KCNN3: variants seen among roughly 807,000 people sequenced by gnomAD.
The protein encoded by KCNN3 is potassium calcium-activated channel subfamily N member 3.
In KCNN3, 16 loss-of-function variants were observed where a neutral mutation model predicts 62.9. That is an observed-to-expected ratio of 0.25 (90% CI 0.17 to 0.39). The LOEUF is 0.39. Ranked by LOEUF, KCNN3 falls within the 10% of genes least tolerant of loss-of-function variation. The pLI, the probability that KCNN3 is intolerant of heterozygous loss-of-function variation, is 1.00. For synonymous variants in KCNN3, 370 were observed against 389.2 expected, an observed-to-expected ratio of 0.95 and a Z score of 0.58; for missense variants, 599 against 949.4, an observed-to-expected ratio of 0.63 and a Z score of 4.85.
chr1:154,748,387 C>T (rs374958223), intron 3 of KCNN3, among the ~76,000 whole-genome samples: 10 of 152,246 alleles, frequency 6.6e-5, no homozygotes, highest in Middle Eastern at 6.8e-3. Flanking sequence ...CACAGTTCAT[C>T]GTTTTTTATA....
Position 154,703,835 on chromosome 1 carries a change from G to A in KCNN3, c.*4141C>T, listed in dbSNP as rs897885269. The A allele has an allele frequency of 6.6e-6, 1 of 152,210 alleles. No homozygotes were observed. Among genetic ancestry groups the A allele is most frequent in the Non-Finnish European group, 1.5e-5 (1 of 68,026 alleles). 9.4% of individuals were successfully genotyped at this position (152,210 alleles called of 1,614,324 possible). A position where few individuals can be genotyped will look rare whatever the true frequency, so the allele number is the denominator to read the frequency against. On this transcript the variant is annotated 3_prime_UTR_variant, in exon 8 of 8. Transcript: ENST00000271915. ...CTAGATACAGTCAGTCTGGGCTGCT[G>A]TTGATGACAAAGGTGATTTCATTTG...
chr1:154,742,877 G>A (rs1557952408), intron 3 of KCNN3, among the ~76,000 whole-genome samples: 2 of 152,168 alleles, frequency 1.3e-5, no homozygotes, highest in Non-Finnish European at 1.5e-5. Flanking sequence ...GCAGCTGCAC[G>A]GATGTGGAGA....
Position 154,725,784 on chromosome 1 carries a change from C to T in KCNN3, c.1701+132G>A, listed in dbSNP as rs189360992. ...GGTCTTGATCTCCTGACCTTGTGAT[C>T]GACCCTCCTCAGCCTCCTAAAGTGT... On this transcript the variant is annotated intron_variant, in intron 5 of 7. Coordinates refer to ENST00000271915, the MANE Select transcript of KCNN3 (RefSeq NM_002249.6). 7.1e-5 allele frequency: 50 copies of T among 704,578 alleles called. No homozygotes were observed. In the African/African-American group the frequency reaches 7.2e-4, roughly 10 times the overall value. 43.6% of individuals were successfully genotyped at this position (704,578 alleles called of 1,614,324 possible).
chr1:154,854,989 G>C (rs1029811068), intron 1 of KCNN3, among the ~76,000 whole-genome samples: 1 of 152,104 alleles, frequency 6.6e-6, no homozygotes, highest in Non-Finnish European at 1.5e-5. Context: ...AGGCCAAGGC[G>C]GGTGGATCAC....
chr1:154,736,946 G>C, intron 3 of KCNN3: 1 of 688,542 alleles, frequency 1.5e-6, no homozygotes, highest in Admixed American at 2.0e-5. Flanking sequence ...CGCTTCTCTG[G>C]TGGGGGCTAC....
rs1651689633 is a variant in KCNN3 at position 154,838,420 on chromosome 1, G to A, written c.934-16236C>T. On this transcript the variant is annotated intron_variant, in intron 1 of 7. Transcript: ENST00000271915. The stretch of plus-strand genomic sequence containing the variant: ...TTCTGCGGCTCCCCACAGCCTCTGG[G>A]ATGAAGGCAGACCCCCTAAGCAAGG... 2.6e-5 allele frequency among the ~76,000 whole-genome samples: 4 copies of A among 152,084 alleles called. No individual in the cohort carries two copies. The South Asian group carries it at 8.3e-4, about 32-fold the overall frequency.
intron 5 of KCNN3, among the ~76,000 whole-genome samples, chr1:154,723,106 G>C (rs1321183391): frequency 6.6e-6 from 1 of 152,160 alleles, no homozygotes; most frequent in African/African-American, 2.4e-5. Flanking sequence ...AGGCAGGCCA[G>C]GCATCCCCAG....
intron 2 of KCNN3, among the ~76,000 whole-genome samples, chr1:154,819,229 C>A (rs1372109808): frequency 6.6e-6 from 1 of 152,128 alleles, no homozygotes; most frequent in Non-Finnish European, 1.5e-5. Flanking sequence ...GGCTGAGCAG[C>A]CAGATCTAAA....
intron 4 of KCNN3, among the ~76,000 whole-genome samples, chr1:154,732,120 C>A (rs1700606574): frequency 6.6e-6 from 1 of 152,214 alleles, no homozygotes; most frequent in Non-Finnish European, 1.5e-5. Flanking sequence ...CTTGCACAAA[C>A]CAATGGGGAG....
chr1:154,778,791 G>T (rs1648901284), intron 2 of KCNN3, among the ~76,000 whole-genome samples: 1 of 151,652 alleles, frequency 6.6e-6, no homozygotes, highest in Non-Finnish European at 1.5e-5. Flanking sequence ...TAGTAGAGAT[G>T]GGGTTTCACC....
intron 3 of KCNN3, among the ~76,000 whole-genome samples, chr1:154,761,736 CAAGA>C (rs1259839732): frequency 6.6e-6 from 1 of 152,108 alleles, no homozygotes; most frequent in African/African-American, 2.4e-5. Context: ...GCCAGGAGTT[CAAGA>C]CCAGCCTGGC....
chr1:154,736,093 G>A (rs1282779692), intron 3 of KCNN3, among the ~76,000 whole-genome samples: 3 of 152,232 alleles, frequency 2.0e-5, no homozygotes, highest in African/African-American at 2.4e-5. Flanking sequence ...GGGCTGGGCT[G>A]GGCTTGCCTG....
At chr1:154,728,901 T>G (rs1159510610) in intron 4 of KCNN3, among the ~76,000 whole-genome samples, 3 of 152,080 alleles carry the variant, frequency 2.0e-5, no homozygotes, top group Admixed American at 1.3e-4. Flanking sequence ...TTAGAGGACA[T>G]GAAGGAAGTG....
intron 7 of KCNN3, among the ~76,000 whole-genome samples, chr1:154,709,489 A>T (rs924872004): frequency 6.6e-6 from 1 of 152,220 alleles, no homozygotes; most frequent in South Asian, 2.1e-4. Context: ...CCAAAGCAGC[A>T]GCAAGTAAGG....
At chr1:154,724,445 G>A (rs969835367) in intron 5 of KCNN3, among the ~76,000 whole-genome samples, 4 of 152,216 alleles carry the variant, frequency 2.6e-5, no homozygotes, top group Non-Finnish European at 4.4e-5. Context: ...GACTATGGAG[G>A]CCGAGACACG....
rs1373147632 is a variant in KCNN3, at chr1:154,697,543, T to C, written c.*10433A>G. On this transcript the variant is annotated 3_prime_UTR_variant, in exon 8 of 8. Transcript: ENST00000271915. The stretch of plus-strand genomic sequence containing the variant: ...TAGCATATGCCGTAACATTTAAAAA[T>C]GCCCATTCTCTCCAGCTTCAGTTCA... 1 of 151,334 alleles carries C rather than the reference T, an allele frequency of 6.6e-6. No homozygotes were observed. Among genetic ancestry groups the C allele is most frequent in the East Asian group, 1.9e-4 (1 of 5,192 alleles). The allele number at this position is 151,334 out of a possible 1,614,324, so 9.4% of individuals were successfully genotyped here.
intron 5 of KCNN3, among the ~76,000 whole-genome samples, chr1:154,718,494 T>A (rs1700278621): frequency 6.6e-6 from 1 of 152,204 alleles, no homozygotes; most frequent in African/African-American, 2.4e-5. Context: ...AAAAACTTGA[T>A]AAATAGACGT....
intron 5 of KCNN3, among the ~76,000 whole-genome samples, chr1:154,721,303 T>C (rs75224103): frequency 4.1e-5 from 1 of 24,234 alleles, no homozygotes; most frequent in Admixed American, 4.6e-4. Context: ...TTTCTTTCCT[T>C]TTTTTTTTTT....
intron 1 of KCNN3, among the ~76,000 whole-genome samples, chr1:154,838,199 A>C (rs1207222327): frequency 6.6e-6 from 1 of 152,102 alleles, no homozygotes; most frequent in Non-Finnish European, 1.5e-5. Context: ...GACAGACCTT[A>C]GAGTCTTTGC....
Sources: allele counts gnomAD v4.1 joint callset (sites outside exome capture counted in the v4.1 genomes callset), GRCh38; gene constraint gnomAD v4.1.1; transcripts MANE v1.5; gene names NCBI Gene and HGNC (gene_info 2026-07-23, HGNC 2026-07-21).